Variants in ASIC2 observed in about 807,000 individuals in gnomAD.
ASIC2 encodes the protein acid sensing ion channel subunit 2, also known as acid-sensing ion channel 2.
ASIC2 carries 25 observed loss-of-function variants against 57.3 expected under a neutral mutation model. The observed-to-expected ratio is 0.44, with a 90% CI of 0.32 to 0.61. ASIC2 has a LOEUF of 0.61. ASIC2 is among the 20% of genes least tolerant of loss of function. The pLI is 0.06. For missense variants in ASIC2, 641 were observed against 738.1 expected, an observed-to-expected ratio of 0.87 and a Z score of 1.52; for synonymous variants, 319 against 307.5, an observed-to-expected ratio of 1.04 and a Z score of -0.39.
chr17:33,814,296 C>G (rs1400705892), intron 1 of ASIC2, among the ~76,000 whole-genome samples: 1 of 152,148 alleles, frequency 6.6e-6, no homozygotes, highest in Non-Finnish European at 1.5e-5. Context: ...AGGCTACTTC[C>G]CGGCATGACT....
chr17:33,138,233 A>G (rs1391795793), intron 1 of ASIC2, among the ~76,000 whole-genome samples: 1 of 152,074 alleles, frequency 6.6e-6, no homozygotes, highest in Non-Finnish European at 1.5e-5. Flanking sequence ...AAGGTGGGAG[A>G]GCCTATGTCA....
At chr17:33,804,588 T>A (rs1912219940) in intron 1 of ASIC2, among the ~76,000 whole-genome samples, 1 of 152,242 alleles carries the variant, frequency 6.6e-6, no homozygotes, top group Non-Finnish European at 1.5e-5. Flanking sequence ...AAGCTTTTAG[T>A]GTGCCCATCA....
chr17:33,200,715 C>T (rs1906824615), intron 1 of ASIC2, among the ~76,000 whole-genome samples: 1 of 152,176 alleles, frequency 6.6e-6, no homozygotes, highest in Non-Finnish European at 1.5e-5. Flanking sequence ...TGGGCTATCT[C>T]CCTGTTTGCT....
intron 1 of ASIC2, among the ~76,000 whole-genome samples, chr17:33,349,229 A>C (rs1302666163): frequency 6.6e-6 from 1 of 152,216 alleles, no homozygotes; most frequent in Non-Finnish European, 1.5e-5. Context: ...TTTATGTAAA[A>C]TCATCCCATT....
chr17:33,790,022 T>C (rs1266479738), intron 1 of ASIC2, among the ~76,000 whole-genome samples: 1 of 152,272 alleles, frequency 6.6e-6, no homozygotes, highest in African/African-American at 2.4e-5. Flanking sequence ...ATTCTTCCAA[T>C]GATGAGACAT....
chr17:33,205,397 G>GT, intron 1 of ASIC2, among the ~76,000 whole-genome samples: 1 of 152,274 alleles, frequency 6.6e-6, no homozygotes, highest in East Asian at 1.9e-4. Context: ...GGACAAAAAG[G>GT]TTTTCAGTTT....
intron 1 of ASIC2, among the ~76,000 whole-genome samples, chr17:33,826,690 C>T (rs563174167): frequency 1.3e-5 from 2 of 152,098 alleles, no homozygotes; most frequent in Non-Finnish European, 2.9e-5. Flanking sequence ...TCCTAAGGAC[C>T]AAAGGTAGTG....
At chr17:33,677,807 A>C (rs1253871285) in intron 1 of ASIC2, among the ~76,000 whole-genome samples, 1 of 152,216 alleles carries the variant, frequency 6.6e-6, no homozygotes, top group African/African-American at 2.4e-5. Flanking sequence ...TGGTTTCTTG[A>C]GATGGAATCT....
chr17:33,167,022 G>C (rs1236452107), intron 1 of ASIC2, among the ~76,000 whole-genome samples: 2 of 152,192 alleles, frequency 1.3e-5, no homozygotes, highest in Non-Finnish European at 2.9e-5. Context: ...TTGACAGATT[G>C]TAACAATTAT....
At position 33,192,429 on chromosome 17, in the gene ASIC2, CAAA is replaced by C. The variant is rs1253438994; in HGVS notation, c.709-80365_709-80363del. Among the ~76,000 whole-genome samples the C allele has an allele frequency of 4.2e-3, 640 of 151,290 alleles. 4 individuals are homozygous for C. Among genetic ancestry groups the C allele is most frequent in the East Asian group, 8.9e-3 (46 of 5,154 alleles). ...CAAAACAAAACAAAACAAAACAAAA[CAAA>C]ACAAAACAAAACAAAACAAAACACA... is the stretch of plus-strand genomic sequence containing the variant. On this transcript the variant is annotated intron_variant, in intron 1 of 9. Transcript: ENST00000225823.
intron 1 of ASIC2, among the ~76,000 whole-genome samples, chr17:33,748,181 C>G (rs1373561962): frequency 6.6e-6 from 1 of 152,236 alleles, no homozygotes; most frequent in Non-Finnish European, 1.5e-5. Context: ...ATCTCTTGCC[C>G]TCCTAGCCAC....
chr17:33,181,870 G>T (rs1421340155), intron 1 of ASIC2, among the ~76,000 whole-genome samples: 4 of 152,190 alleles, frequency 2.6e-5, no homozygotes, highest in Admixed American at 1.3e-4. Flanking sequence ...CTTGACGAAG[G>T]GCAAGGAGGT....
chr17:33,840,650 A>G (rs1043994488), intron 1 of ASIC2, among the ~76,000 whole-genome samples: 1 of 152,188 alleles, frequency 6.6e-6, no homozygotes, highest in African/African-American at 2.4e-5. Flanking sequence ...GTTGACATCT[A>G]CTAGTTGGGT....
At chr17:34,000,598 T>C (rs1175066127) in intron 1 of ASIC2, among the ~76,000 whole-genome samples, 1 of 152,176 alleles carries the variant, frequency 6.6e-6, no homozygotes, top group Non-Finnish European at 1.5e-5. Flanking sequence ...TTGGGCTTCA[T>C]AGGTATGAGT....
At chr17:33,628,819 TA>T (rs1906068279) in intron 1 of ASIC2, among the ~76,000 whole-genome samples, 1 of 152,208 alleles carries the variant, frequency 6.6e-6, no homozygotes, top group Non-Finnish European at 1.5e-5. Context: ...TTAAGGAATT[TA>T]TCAATGCCAA....
chr17:33,495,803 G>T (rs781002789), intron 1 of ASIC2, among the ~76,000 whole-genome samples: 1 of 152,174 alleles, frequency 6.6e-6, no homozygotes, highest in Non-Finnish European at 1.5e-5. Context: ...GTAGAGAAAG[G>T]CACAACATCC....
rs550875331 is a variant in ASIC2, at chr17:33,461,642, C to T, written c.556-349575G>A. Among the ~76,000 whole-genome samples, 4 of 152,206 alleles carry T rather than the reference C, an allele frequency of 2.6e-5. No individual in the cohort carries two copies. In the South Asian group the frequency reaches 8.3e-4, roughly 32 times the overall value. On this transcript the variant is annotated intron_variant, in intron 1 of 9. Coordinates refer to the ASIC2 transcript ENST00000359872. ...GTTCTAAGAGGGTCCTGACTGATAC[C>T]TAAGCTTTCCAAATGCTACCACTCT...
chr17:33,934,185 T>G lies in ASIC2; in HGVS notation c.555+221793A>C, dbSNP rs759703307. ...CATTCTCGGCAGGCCTGCCCTGTGA[T>G]CTCACCTGCAAGGGGACAATTTGGA... On this transcript the variant is annotated intron_variant, in intron 1 of 9. Coordinates refer to the ASIC2 transcript ENST00000359872. Among the ~76,000 whole-genome samples the G allele has an allele frequency of 1.1e-4, 17 of 152,176 alleles. 1 individual carries two copies. The highest frequency in any genetic ancestry group is 1.3e-4 in the Admixed American group (2 of 15,278).
At chr17:34,151,199 A>C (rs1444765409) in intron 1 of ASIC2, among the ~76,000 whole-genome samples, 3 of 151,988 alleles carry the variant, frequency 2.0e-5, no homozygotes, top group Non-Finnish European at 4.4e-5. Flanking sequence ...GTAACTATTC[A>C]ATTAGCAAGC....
Sources: allele counts gnomAD v4.1 joint callset (sites outside exome capture counted in the v4.1 genomes callset), GRCh38; gene constraint gnomAD v4.1.1; transcripts MANE v1.5; gene names NCBI Gene and HGNC (gene_info 2026-07-23, HGNC 2026-07-21).